Variants in CIP2A observed in about 807,000 individuals in gnomAD.
CIP2A encodes cellular inhibitor of PP2A.
A neutral mutation model predicts 110.9 loss-of-function variants in CIP2A; 103 were observed. The observed-to-expected ratio is 0.93, with a 90% CI of 0.79 to 1.09. The LOEUF (loss-of-function observed/expected upper bound fraction) is 1.09, where lower values mean the gene tolerates loss of function less well. Ranked by LOEUF, CIP2A falls within the 50% of genes least tolerant of loss-of-function variation. The probability of loss-of-function intolerance (pLI) is 0.00; values close to 1 mark genes in which losing one functional copy is unlikely to be tolerated. For synonymous variants in CIP2A, 381 were observed against 361.6 expected, an observed-to-expected ratio of 1.05 and a Z score of -0.61; for missense variants, 1,088 against 1,038.4, an observed-to-expected ratio of 1.05 and a Z score of -0.66.
chr3:108,582,740 A>G (rs1938922101), intron 3 of CIP2A, among the ~76,000 whole-genome samples: 1 of 152,270 alleles, frequency 6.6e-6, no homozygotes. Flanking sequence ...AAGTCAAAGC[A>G]GTTATAATGT....
intron 8 of CIP2A, among the ~76,000 whole-genome samples, chr3:108,573,178 C>T (rs1938455210): frequency 6.6e-6 from 1 of 151,834 alleles, no homozygotes; most frequent in East Asian, 1.9e-4. Flanking sequence ...TTATGTGTCA[C>T]TGATTTTGAT....
chr3:108,582,930 T>C (rs1938929077), intron 3 of CIP2A, 47 bp downstream of exon 3: 1 of 1,139,166 alleles, frequency 8.8e-7, no homozygotes, highest in Non-Finnish European at 1.3e-6. Flanking sequence ...CTATCAATTT[T>C]GATCTGACAG....
intron 1 of CIP2A, among the ~76,000 whole-genome samples, chr3:108,585,483 C>T (rs557303785): frequency 2.6e-5 from 4 of 152,232 alleles, no homozygotes; most frequent in Admixed American, 6.5e-5. Context: ...TCAGTTCGGT[C>T]GGCCTATTAT....
chr3:108,575,349 CACATGTGTATATATACATACACAT>C (rs1938546159), intron 8 of CIP2A, among the ~76,000 whole-genome samples: 1 of 148,660 alleles, frequency 6.7e-6, no homozygotes. Flanking sequence ...TACATATACA[CACATGTGTATATATACATACACAT>C]ATACATGTAT....
In CIP2A at chr3:108,557,322, T is replaced by C. The variant is rs201418557; in HGVS notation, c.2106A>G (p.Arg702=). The part of the protein sequence containing the change: ...LLKAQQVESE[R]AQSDIEHLFQ... ...AGAGATGCTCAATATCACTCTGCGCTCTTTCTGATTCAACTTGCTGCGCCT... is the reference window on the plus strand; with the variant it reads ...AGAGATGCTCAATATCACTCTGCGCCCTTTCTGATTCAACTTGCTGCGCCT... The change falls in exon 17 of 21, where the codon AGA becomes AGG. Residue 702 remains arginine (R), a synonymous_variant. Transcript: ENST00000295746. 11 of 1,612,778 alleles carry C rather than the reference T, an allele frequency of 6.8e-6. No homozygotes were observed. Among genetic ancestry groups the C allele is most frequent in the Non-Finnish European group, 9.3e-6 (11 of 1,179,230 alleles).
intron 8 of CIP2A, among the ~76,000 whole-genome samples, chr3:108,570,261 C>T (rs2107340674): frequency 6.6e-6 from 1 of 152,056 alleles, no homozygotes; most frequent in East Asian, 1.9e-4. Context: ...CTCTCTATTT[C>T]CAACTTTTTA....
chr3:108,569,783 A>G (rs1938322646), intron 8 of CIP2A, among the ~76,000 whole-genome samples, 176 bp from the exon 9 acceptor site: 1 of 152,104 alleles, frequency 6.6e-6, no homozygotes, highest in African/African-American at 2.4e-5. Flanking sequence ...AGAAGATTAT[A>G]AAATAAACTT....
chr3:108,562,548 G>A (rs1034169750), intron 13 of CIP2A, among the ~76,000 whole-genome samples: 1 of 152,078 alleles, frequency 6.6e-6, no homozygotes, highest in African/African-American at 2.4e-5. Context: ...ATTTAGTTCA[G>A]AGAGCCCTGA....
In CIP2A at chr3:108,568,233, A is replaced by T. The variant is rs1426102220; in HGVS notation, c.1195T>A (p.Phe399Ile). The change falls in exon 10 of 21, where the codon TTC becomes ATC. Residue 399 changes from phenylalanine (F) to isoleucine (I), a missense_variant. Phe to Ile is a conservative substitution (Grantham distance 21). Transcript: ENST00000295746. ...GCCTCATCTAGATTTTGTTCTGTGA[A>T]CTGAAGTTGATCAAGGATTGTAGGC... is the stretch of plus-strand genomic sequence containing the variant. ...LLPTILDQLQ[F>I]TEQNLDEALT... 1 of 1,612,300 alleles carries T rather than the reference A, an allele frequency of 6.2e-7. No homozygotes were observed. Among genetic ancestry groups the T allele is most frequent in the Non-Finnish European group, 8.5e-7 (1 of 1,178,788 alleles).
intron 9 of CIP2A, 41 bp from the exon 10 acceptor site, chr3:108,568,355 G>A: frequency 6.4e-7 from 1 of 1,557,266 alleles, no homozygotes; most frequent in East Asian, 2.3e-5. Context: ...AGCAAAGATG[G>A]AATATACAAT....
At chr3:108,581,568 T>C (rs1253870308) in intron 4 of CIP2A, 57 bp from the exon 5 acceptor site, 6 of 1,018,992 alleles carry the variant, frequency 5.9e-6, no homozygotes, top group Non-Finnish European at 9.1e-6. Flanking sequence ...AAAAAAAGCA[T>C]TAACATTATT....
chr3:108,553,856 T>C, intron 18 of CIP2A, 126 bp from the exon 19 acceptor site: 1 of 240,302 alleles, frequency 4.2e-6, no homozygotes. Context: ...ATCGAGACCA[T>C]CCTGGCTAAC....
rs755355507 is a variant in CIP2A, at chr3:108,560,635, A to AT, written c.1827+13dup. 27 of 1,555,008 alleles carry AT rather than the reference A, an allele frequency of 1.7e-5. No homozygotes were observed. The highest frequency in any genetic ancestry group is 5.3e-5 in the Admixed American group (3 of 56,440). Reference sequence around the variant, plus strand: ...TAATATGTACCAGGTTATAATTGCTATTTTTTCACTCACCACCATTCCAGA... The same window carrying AT: ...TAATATGTACCAGGTTATAATTGCTATTTTTTTCACTCACCACCATTCCAGA... On this transcript the variant is annotated intron_variant, in intron 14 of 20. Coordinates refer to ENST00000295746, the MANE Select transcript of CIP2A (RefSeq NM_020890.3).
Position 108,583,011 on chromosome 3 carries a change from C to G in CIP2A, c.323G>C (p.Cys108Ser), listed in dbSNP as rs748931313. The change falls in exon 3 of 21, where the codon TGT becomes TCT. Residue 108 changes from cysteine (C) to serine (S), a missense_variant. Physicochemically the swap from Cys to Ser is moderately radical, Grantham distance 112. Coordinates refer to ENST00000295746, the MANE Select transcript of CIP2A (RefSeq NM_020890.3). ...CACCGAATCAGTGTGGCTGCTCCGACAAACCACTCCCGCCAGCACACTATT... is the reference window on the plus strand; with the variant it reads ...CACCGAATCAGTGTGGCTGCTCCGAGAAACCACTCCCGCCAGCACACTATT... Reference protein sequence around the residue: ...NLNSVLAGVVCRSSHTDSVFL... With the variant: ...NLNSVLAGVVSRSSHTDSVFL... 1.2e-6 allele frequency: 2 copies of G among 1,611,026 alleles called. No individual in the cohort carries two copies. The highest frequency in any genetic ancestry group is 1.7e-6 in the Non-Finnish European group (2 of 1,178,606).
At position 108,553,894 on chromosome 3, in the gene CIP2A, T is replaced by TACAA. The variant is rs1303036231; in HGVS notation, c.2325-165_2325-164insTTGT. Among the ~76,000 whole-genome samples the TACAA allele has an allele frequency of 8.8e-3, 439 of 49,704 alleles. 136 individuals are homozygous for TACAA. The highest frequency in any genetic ancestry group is 0.037 in the Middle Eastern group (2 of 54). The allele number at this position is 49,704 out of a possible 152,430, so 32.6% of individuals were successfully genotyped here. On this transcript the variant is annotated intron_variant, in intron 18 of 20. Coordinates refer to ENST00000295746, the MANE Select transcript of CIP2A (RefSeq NM_020890.3). ...GGTGAAACCCCGTCTCTACTAAAAA[T>TACAA]ATAAAAAAAAAAAAAAAAAAAAAAA...
At chr3:108,572,731 G>GATTT (rs1938440695) in intron 8 of CIP2A, among the ~76,000 whole-genome samples, 1 of 144,322 alleles carries the variant, frequency 6.9e-6, no homozygotes, top group African/African-American at 2.4e-5. Flanking sequence ...ATAGATTTTA[G>GATTT]ATTTTCTATA....
intron 10 of CIP2A, 145 bp downstream of exon 10, chr3:108,568,010 A>C: frequency 1.9e-6 from 1 of 526,680 alleles, no homozygotes; most frequent in East Asian, 3.3e-5. Flanking sequence ...TTTTTTCTAC[A>C]GTTCAAATTT....
chr3:108,583,963 A>G lies in CIP2A; in HGVS notation c.251-880T>C, dbSNP rs1376165995. Among the ~76,000 whole-genome samples, 40 of 152,230 alleles carry G rather than the reference A, an allele frequency of 2.6e-4. 1 individual carries two copies. Among genetic ancestry groups the G allele is most frequent in the Admixed American group, 2.6e-3 (39 of 15,290 alleles). On this transcript the variant is annotated intron_variant, in intron 2 of 20. Transcript: ENST00000295746. ...TTTTCTGGAAACCTCAAATGCTTCTAAAGTATAAACACTGGAAGTGACTGG... is the reference window on the plus strand; with the variant it reads ...TTTTCTGGAAACCTCAAATGCTTCTGAAGTATAAACACTGGAAGTGACTGG...
Position 108,568,414 on chromosome 3 carries a change from AT to A in CIP2A, c.1114-101del, listed in dbSNP as rs1938261214. On this transcript the variant is annotated intron_variant, in intron 9 of 20. Transcript: ENST00000295746. ...GTAACACTCTCTTTAAATTTTTTAT[AT>A]TTCCTTCAATATGCCATTGACCTAA... is the stretch of plus-strand genomic sequence containing the variant. 4.4e-5 allele frequency: 39 copies of A among 887,326 alleles called. No homozygotes were observed. The South Asian group carries it at 7.4e-4, about 17-fold the overall frequency. The allele number at this position is 887,326 out of a possible 1,614,324, so 55.0% of individuals were successfully genotyped here. A position where few individuals can be genotyped will look rare whatever the true frequency, so the allele number is the denominator to read the frequency against.
Sources: allele counts gnomAD v4.1 joint callset (sites outside exome capture counted in the v4.1 genomes callset), GRCh38; gene constraint gnomAD v4.1.1; transcripts MANE v1.5; gene names NCBI Gene and HGNC (gene_info 2026-07-23, HGNC 2026-07-21).